Variants in APBA2 observed in about 807,000 individuals in gnomAD.
APBA2 encodes amyloid-beta A4 precursor protein-binding family A member 2.
A neutral mutation model predicts 75.0 loss-of-function variants in APBA2; 30 were observed. The observed-to-expected ratio is 0.40, with a 90% CI of 0.30 to 0.54. The LOEUF (loss-of-function observed/expected upper bound fraction) is 0.54, where lower values mean the gene tolerates loss of function less well. APBA2 is among the 20% of genes least tolerant of loss of function. The pLI is 0.49. For synonymous variants in APBA2, 444 were observed against 409.6 expected, an observed-to-expected ratio of 1.08 and a Z score of -1.01; for missense variants, 801 against 1,016.1, an observed-to-expected ratio of 0.79 and a Z score of 2.88.
At chr15:28,940,049 G>T (rs2035106073) in intron 2 of APBA2, among the ~76,000 whole-genome samples, 1 of 152,186 alleles carries the variant, frequency 6.6e-6, no homozygotes, top group Non-Finnish European at 1.5e-5. Flanking sequence ...TGGTTTCCCG[G>T]AATCCTGTGG....
At chr15:29,099,815 T>C (rs147046845) in intron 9 of APBA2, among the ~76,000 whole-genome samples, 89 of 152,282 alleles carry the variant, frequency 5.8e-4, no homozygotes, top group African/African-American at 2.1e-3. Flanking sequence ...TCATGAGCTG[T>C]ATAGCCTTAA....
At position 29,016,924 on chromosome 15, in the gene APBA2, G is replaced by T. The variant is rs183723386; in HGVS notation, c.-41+21118G>T. Among the ~76,000 whole-genome samples, 55 of 152,110 alleles carry T rather than the reference G, an allele frequency of 3.6e-4. 1 individual carries two copies. In the East Asian group the frequency reaches 0.01, roughly 28 times the overall value. On this transcript the variant is annotated intron_variant, in intron 3 of 14. Coordinates refer to ENST00000683413, the MANE Select transcript of APBA2 (RefSeq NM_001353788.2). ...TTTTAACCTGTTCCTTTCATCAAATGATGCTTATTAAATACATTTGGTGAT... is the reference window on the plus strand; with the variant it reads ...TTTTAACCTGTTCCTTTCATCAAATTATGCTTATTAAATACATTTGGTGAT...
In APBA2 at chr15:29,050,108, G is replaced by A. The variant is rs530670622; in HGVS notation, c.-40-3737G>A. 1.9e-4 allele frequency among the ~76,000 whole-genome samples: 29 copies of A among 152,292 alleles called. No homozygotes were observed. In the South Asian group the frequency reaches 5.6e-3, roughly 29 times the overall value. On this transcript the variant is annotated intron_variant, in intron 3 of 14. Transcript: ENST00000683413. ...CTGGAATTTCTGAACTCTAAGAGTG[G>A]AGAGGAAATTGTATCAGCTTCCAGA...
At chr15:29,003,191 G>A (rs939420223) in intron 3 of APBA2, among the ~76,000 whole-genome samples, 5 of 152,072 alleles carry the variant, frequency 3.3e-5, no homozygotes, top group Admixed American at 6.5e-5. Context: ...TGGAGGGTGC[G>A]GCATGGGGTG....
chr15:29,102,697 T>A (rs1422786728), intron 10 of APBA2: 1 of 151,720 alleles, frequency 6.6e-6, no homozygotes, highest in East Asian at 1.9e-4. Flanking sequence ...AGGCGGAGAT[T>A]GCAGTGAGCT....
chr15:29,023,270 A>G (rs1044285232), intron 3 of APBA2, among the ~76,000 whole-genome samples: 3 of 152,200 alleles, frequency 2.0e-5, no homozygotes, highest in African/African-American at 7.2e-5. Context: ...TCTTGTCCCT[A>G]AATTTACAGG....
At position 28,896,669 on chromosome 15, in the gene APBA2, A is replaced by G. The variant is rs559758984; in HGVS notation, c.-205+10391A>G. ...GGGATCACTGCCTGGCTCGCCTGTC[A>G]TGGTGTGGGGGCAGTGCCTGATTCT... On this transcript the variant is annotated intron_variant, in intron 1 of 14. Coordinates refer to ENST00000683413, the MANE Select transcript of APBA2 (RefSeq NM_001353788.2). 1.3e-4 allele frequency among the ~76,000 whole-genome samples: 20 copies of G among 152,292 alleles called. No individual in the cohort carries two copies. In the South Asian group the frequency reaches 3.9e-3, roughly 30 times the overall value.
At chr15:29,076,397 G>A (rs1418290033) in intron 6 of APBA2, among the ~76,000 whole-genome samples, 1 of 151,422 alleles carries the variant, frequency 6.6e-6, no homozygotes, top group Non-Finnish European at 1.5e-5. Flanking sequence ...ATAAGCAGCT[G>A]GTTATAGCTA....
At chr15:29,020,482 T>C (rs1442942579) in intron 3 of APBA2, among the ~76,000 whole-genome samples, 1 of 152,168 alleles carries the variant, frequency 6.6e-6, no homozygotes, top group African/African-American at 2.4e-5. Flanking sequence ...ACATTTTTTT[T>C]TTCCAGTGAC....
intron 1 of APBA2, among the ~76,000 whole-genome samples, chr15:28,910,027 G>A (rs964089056): frequency 6.6e-6 from 1 of 152,086 alleles, no homozygotes; most frequent in African/African-American, 2.4e-5. Flanking sequence ...ATCCGAAGTT[G>A]GTATACCCAG....
At chr15:29,055,624 C>T (rs2041848027) in intron 4 of APBA2, among the ~76,000 whole-genome samples, 1 of 150,130 alleles carries the variant, frequency 6.7e-6, no homozygotes, top group African/African-American at 2.5e-5. Context: ...TTTTTACAGC[C>T]TTAACTGTTA....
intron 1 of APBA2, among the ~76,000 whole-genome samples, chr15:28,897,809 G>A (rs1011862207): frequency 1.3e-5 from 2 of 152,082 alleles, no homozygotes; most frequent in Non-Finnish European, 2.9e-5. Flanking sequence ...CAAATGAAAT[G>A]GAGTGAAATG....
chr15:28,968,508 A>G (rs1037474191), intron 2 of APBA2, among the ~76,000 whole-genome samples: 2 of 152,250 alleles, frequency 1.3e-5, no homozygotes, highest in Non-Finnish European at 2.9e-5. Context: ...TCTCCTGCAC[A>G]TTGGCAGCTG....
In APBA2 at chr15:28,889,689, T is replaced by G. The variant is rs554470349; in HGVS notation, c.-205+3411T>G. On this transcript the variant is annotated intron_variant, in intron 1 of 14. Transcript: ENST00000683413. ...CTCTTTCCCTCTTATTCCTTGGTCC[T>G]CAGATTTGTCAGGCCACTCTTGCCT... Among the ~76,000 whole-genome samples the G allele has an allele frequency of 2.6e-5, 4 of 152,334 alleles. No homozygotes were observed. In the South Asian group the frequency reaches 6.2e-4, roughly 24 times the overall value.
chr15:29,094,352 C>G (rs757871005), intron 8 of APBA2, 39 bp downstream of exon 8: 16 of 1,608,180 alleles, frequency 9.9e-6, no homozygotes, highest in Admixed American at 1.7e-5. Flanking sequence ...GTGTTGTTTG[C>G]TTGTGTTTCC....
At chr15:28,903,992 T>C (rs541910106) in intron 1 of APBA2, among the ~76,000 whole-genome samples, 1 of 152,336 alleles carries the variant, frequency 6.6e-6, no homozygotes, top group East Asian at 1.9e-4. Flanking sequence ...GAAACTGTTA[T>C]TTCTGTATGT....
chr15:29,091,102 A>T (rs1375875632), intron 6 of APBA2, among the ~76,000 whole-genome samples: 1 of 152,154 alleles, frequency 6.6e-6, no homozygotes, highest in Admixed American at 6.5e-5. Context: ...ACAGGTGGAC[A>T]GGGGTTCCTC....
At chr15:29,079,216 T>G (rs2042981658) in intron 6 of APBA2, among the ~76,000 whole-genome samples, 1 of 152,092 alleles carries the variant, frequency 6.6e-6, no homozygotes, top group African/African-American at 2.4e-5. Flanking sequence ...CATGCCCTTC[T>G]TGGTGGGAGT....
rs2038483493 is a variant in APBA2 at position 28,995,766 on chromosome 15, C to A, written c.-81C>A. 1.3e-5 allele frequency: 2 copies of A among 152,136 alleles called. No homozygotes were observed. Among genetic ancestry groups the A allele is most frequent in the South Asian group, 4.1e-4 (2 of 4,828 alleles). The allele number at this position is 152,136 out of a possible 1,614,324, so 9.4% of individuals were successfully genotyped here. ...GCTTTATTCCAGAAAGATTTGATCA[C>A]CAGGAGATTTTTCGGGACATTACCA... On this transcript the variant is annotated 5_prime_UTR_variant, in exon 3 of 15. Coordinates refer to ENST00000683413, the MANE Select transcript of APBA2 (RefSeq NM_001353788.2).
Sources: allele counts gnomAD v4.1 joint callset (sites outside exome capture counted in the v4.1 genomes callset), GRCh38; gene constraint gnomAD v4.1.1; transcripts MANE v1.5; gene names NCBI Gene and HGNC (gene_info 2026-07-23, HGNC 2026-07-21).